The following OIP5 variants were observed in gnomAD, a reference collection of about 807,000 sequenced individuals.
The protein encoded by OIP5 is protein Mis18-beta.
In OIP5, 24 loss-of-function variants were observed where a neutral mutation model predicts 20.3. The ratio of observed to expected loss-of-function variants is 1.18; its 90% CI spans 0.86 to 1.66. The LOEUF is 1.66. Ranked by LOEUF, OIP5 falls within the 40% of genes most tolerant of loss-of-function variation. The probability of loss-of-function intolerance (pLI) is 0.00; values close to 1 mark genes in which losing one functional copy is unlikely to be tolerated. For synonymous variants in OIP5, 143 were observed against 121.3 expected (o/e 1.18, Z -1.17); for missense variants, 339 against 289.5 (o/e 1.17, Z -1.24).
chr15:41,329,736 C>T (rs1595504609), intron 2 of OIP5, among the ~76,000 whole-genome samples: 1 of 151,802 alleles, frequency 6.6e-6, no homozygotes, highest in Non-Finnish European at 1.5e-5. Flanking sequence ...GAGTCTCGCT[C>T]TGTTGCCCAG....
chr15:41,319,883 A>ATTGT, intron 2 of OIP5, 103 bp from the exon 3 acceptor site: 1 of 896,654 alleles, frequency 1.1e-6, no homozygotes, highest in South Asian at 2.0e-5. Context: ...GTCAGGGTGA[A>ATTGT]AATTACATTG....
intron 2 of OIP5, among the ~76,000 whole-genome samples, chr15:41,320,081 TAACATTTA>T (rs1162580508): frequency 6.6e-6 from 1 of 152,132 alleles, no homozygotes; most frequent in Non-Finnish European, 1.5e-5. Flanking sequence ...CTAATCTGAT[TAACATTTA>T]AACATTTAAA....
intron 2 of OIP5, among the ~76,000 whole-genome samples, chr15:41,324,277 G>A (rs1233836848): frequency 1.3e-5 from 2 of 152,094 alleles, no homozygotes; most frequent in Non-Finnish European, 2.9e-5. Flanking sequence ...TTACAGGCGT[G>A]AGCCATTGCA....
Position 41,319,690 on chromosome 15 carries a change from A to G in OIP5, c.480T>C (p.Gly160=). ...TTTTGTCACTGGAAAGGCAGAAGTG[A>G]CCTCTCAAGGCAGCCAGGGCAGCAT... The part of the protein sequence containing the change: ...STHAALAALR[G]HFCLSSDKMV... Residue 160 remains glycine (G), a synonymous_variant, in exon 3 of 5, where the codon GGT becomes GGC. Transcript: ENST00000220514. The G allele has an allele frequency of 1.2e-6, 2 of 1,613,900 alleles. No individual in the cohort carries two copies. Among genetic ancestry groups the G allele is most frequent in the Non-Finnish European group, 1.7e-6 (2 of 1,179,848 alleles).
chr15:41,310,259 G>A (rs1459194466), intron 4 of OIP5, among the ~76,000 whole-genome samples: 2 of 152,158 alleles, frequency 1.3e-5, no homozygotes, highest in Non-Finnish European at 2.9e-5. Flanking sequence ...AGCTGGCAAT[G>A]TCTAAATGCA....
intron 3 of OIP5, among the ~76,000 whole-genome samples, chr15:41,317,682 G>A (rs374511549): frequency 7.9e-5 from 12 of 151,772 alleles, no homozygotes; most frequent in African/African-American, 9.7e-5. Flanking sequence ...GCCCAGCACC[G>A]TTTTTGGTTT....
chr15:41,315,677 A>AT (rs2047784952), intron 3 of OIP5, among the ~76,000 whole-genome samples: 1 of 152,206 alleles, frequency 6.6e-6, no homozygotes, highest in South Asian at 2.1e-4. Flanking sequence ...TGCTTTTCAA[A>AT]TTTATGTTAA....
intron 3 of OIP5, among the ~76,000 whole-genome samples, chr15:41,314,635 CTTT>C (rs113408274): frequency 1.4e-5 from 2 of 140,120 alleles, no homozygotes; most frequent in Non-Finnish European, 1.6e-5. Flanking sequence ...AACTCCATCT[CTTT>C]TTTTTTTTTT....
At chr15:41,322,924 A>G (rs2047839258) in intron 2 of OIP5, among the ~76,000 whole-genome samples, 1 of 152,078 alleles carries the variant, frequency 6.6e-6, no homozygotes, top group East Asian at 1.9e-4. Context: ...AACAAGAGCG[A>G]AACTCCATCT....
At chr15:41,311,583 T>G (rs1437251369) in intron 4 of OIP5, among the ~76,000 whole-genome samples, 1 of 152,152 alleles carries the variant, frequency 6.6e-6, no homozygotes, top group Non-Finnish European at 1.5e-5. Flanking sequence ...ATTATTATTA[T>G]TTTTGAAATA....
At position 41,332,516 on chromosome 15, in the gene OIP5, G is replaced by C; in HGVS notation, c.46C>G (p.Pro16Ala). 6.2e-7 allele frequency: 1 copy of C among 1,613,584 alleles called. No homozygotes were observed. Among genetic ancestry groups the C allele is most frequent in the Non-Finnish European group, 8.5e-7 (1 of 1,179,760 alleles). ...LRHRSRCATP[P>A]RGDFCGGTER... ...GTGCCACCACAAAAGTCCCCCCGGG[G>C]CGGCGTTGCACAACGTGAGCGATGC... Residue 16 changes from proline to alanine, a missense_variant, in exon 1 of 5, where the codon CCC becomes GCC. Physicochemically the swap from Pro to Ala is conservative, Grantham distance 27. Transcript: ENST00000220514.
At chr15:41,323,775 T>C (rs2047844413) in intron 2 of OIP5, among the ~76,000 whole-genome samples, 1 of 152,086 alleles carries the variant, frequency 6.6e-6, no homozygotes, top group Non-Finnish European at 1.5e-5. Context: ...CCAGCTCCTT[T>C]GAAGCCAGGT....
rs2047740962 is a variant in OIP5, at chr15:41,309,559, A to G, written c.*195T>C. ...TAAGTTCTTAAGGCAAATAGCTATA[A>G]AAGAGAAGAATCCTTAGTCTCTCAT... is the stretch of plus-strand genomic sequence containing the variant. On this transcript the variant is annotated 3_prime_UTR_variant, in exon 5 of 5. Coordinates refer to ENST00000220514, the MANE Select transcript of OIP5 (RefSeq NM_007280.2). The G allele has an allele frequency of 3.7e-5, 17 of 460,740 alleles. No homozygotes were observed. In the South Asian group the frequency reaches 6.0e-4, roughly 16 times the overall value. The allele number at this position is 460,740 out of a possible 1,614,324, so 28.5% of individuals were successfully genotyped here. A position where few individuals can be genotyped will look rare whatever the true frequency, so the allele number is the denominator to read the frequency against.
intron 4 of OIP5, among the ~76,000 whole-genome samples, chr15:41,312,182 A>G (rs1470375458): frequency 2.2e-5 from 2 of 90,978 alleles, no homozygotes; most frequent in Non-Finnish European, 5.6e-5. Flanking sequence ...TTTTTTTGAG[A>G]CAGATTTTCA....
In OIP5 at chr15:41,318,277, C is replaced by G. The variant is rs957119603; in HGVS notation, c.512+1381G>C. On this transcript the variant is annotated intron_variant, in intron 3 of 4. Transcript: ENST00000220514. ...TCCTGGGTTCAAGCAATTCTTCTGC[C>G]TCACCTCCCGAGTAGCTGCGACCAC... is the stretch of plus-strand genomic sequence containing the variant. Among the ~76,000 whole-genome samples the G allele has an allele frequency of 3.3e-5, 5 of 152,142 alleles. No individual in the cohort carries two copies. The South Asian group carries it at 1.0e-3, about 31-fold the overall frequency.
chr15:41,332,088 A>C, intron 1 of OIP5, 107 bp from the exon 2 acceptor site: 1 of 1,350,432 alleles, frequency 7.4e-7, no homozygotes, highest in Non-Finnish European at 1.1e-6. Flanking sequence ...AGACTCCCCG[A>C]TTCCCTGCCC....
At chr15:41,329,956 C>G (rs1296248056) in intron 2 of OIP5, among the ~76,000 whole-genome samples, 1 of 152,142 alleles carries the variant, frequency 6.6e-6, no homozygotes, top group Non-Finnish European at 1.5e-5. Context: ...CTTGGCCTCC[C>G]AAAGTGCTGG....
chr15:41,320,309 G>A (rs998641798), intron 2 of OIP5, among the ~76,000 whole-genome samples: 1 of 151,854 alleles, frequency 6.6e-6, no homozygotes, highest in African/African-American at 2.4e-5. Context: ...CTCTTTCCAC[G>A]GTCTCCCTCT....
At position 41,332,468 on chromosome 15, in the gene OIP5, A is replaced by C; in HGVS notation, c.94T>G (p.Ser32Ala). 6.2e-7 allele frequency: 1 copy of C among 1,614,074 alleles called. No homozygotes were observed. Among genetic ancestry groups the C allele is most frequent in the Non-Finnish European group, 8.5e-7 (1 of 1,179,938 alleles). Residue 32 changes from serine (S) to alanine (A), a missense_variant, in exon 1 of 5, where the codon TCT becomes GCT. By Grantham distance (99) the Ser-to-Ala change is moderately conservative. Coordinates refer to ENST00000220514, the MANE Select transcript of OIP5 (RefSeq NM_007280.2). ...TCCCACTCCATGGAGGTCGTAAAAGAAGCTTGGTCAATCGCCCTCTCAGTG... is the reference window on the plus strand; with the variant it reads ...TCCCACTCCATGGAGGTCGTAAAAGCAGCTTGGTCAATCGCCCTCTCAGTG... ...GGTERAIDQA[S>A]FTTSMEWDTQ...
Sources: gnomAD v4.1 joint callset for allele counts (sites outside exome capture counted in the v4.1 genomes callset) on GRCh38, gnomAD v4.1.1 for gene constraint, MANE v1.5 for transcripts, NCBI Gene and HGNC (gene_info 2026-07-23, HGNC 2026-07-21) for gene names.